Variants in MPDZ observed in about 807,000 individuals in gnomAD.
The protein encoded by MPDZ is multiple PDZ domain protein.
In MPDZ, 234 loss-of-function variants were observed where a neutral mutation model predicts 239.1. The ratio of observed to expected loss-of-function variants is 0.98; its 90% CI spans 0.88 to 1.09. MPDZ has a LOEUF of 1.09. MPDZ is among the 50% of genes least tolerant of loss of function. The probability of loss-of-function intolerance (pLI) is 0.00; values close to 1 mark genes in which losing one functional copy is unlikely to be tolerated. For missense variants in MPDZ, 3,175 were observed against 2,510.0 expected (o/e 1.26, Z -5.66); for synonymous variants, 1,048 against 881.3 (o/e 1.19, Z -3.35).
At chr9:13,210,121 T>C (rs1446577440) in intron 10 of MPDZ, among the ~76,000 whole-genome samples, 1 of 150,358 alleles carries the variant, frequency 6.7e-6, no homozygotes, top group East Asian at 1.9e-4. Context: ...AAAATTCTTA[T>C]ATTTCAAAGA....
intron 1 of MPDZ, among the ~76,000 whole-genome samples, chr9:13,273,609 T>C (rs2139393850): frequency 6.6e-6 from 1 of 152,292 alleles, no homozygotes. Context: ...ATCTGCATCA[T>C]TCTAGATCAG....
chr9:13,185,342 G>C (rs555890630), intron 18 of MPDZ, among the ~76,000 whole-genome samples: 42 of 152,150 alleles, frequency 2.8e-4, no homozygotes, highest in African/African-American at 7.7e-4. Context: ...TATAGTCAAA[G>C]AAATAATTCA....
In MPDZ at chr9:13,106,697, T is replaced by C. The variant is rs1563802622; in HGVS notation, c.*268A>G. On this transcript the variant is annotated 3_prime_UTR_variant, in exon 47 of 47. Transcript: ENST00000319217. ...TTCTTGCCCATGTGACTACAAAACATTAGATATCTCCACAAATAAAAACGA... is the reference window on the plus strand; with the variant it reads ...TTCTTGCCCATGTGACTACAAAACACTAGATATCTCCACAAATAAAAACGA... 4 of 363,104 alleles carry C rather than the reference T, an allele frequency of 1.1e-5. No individual in the cohort carries two copies. Among genetic ancestry groups the C allele is most frequent in the East Asian group, 4.1e-5 (1 of 24,372 alleles). 22.5% of individuals were successfully genotyped at this position (363,104 alleles called of 1,614,324 possible).
chr9:13,140,139 T>A lies in MPDZ; in HGVS notation c.3851A>T (p.Gln1284Leu). 6.2e-7 allele frequency: 1 copy of A among 1,613,174 alleles called. No homozygotes were observed. The highest frequency in any genetic ancestry group is 1.3e-5 in the African/African-American group (1 of 74,956). Residue 1284 changes from glutamine (Q) to leucine (L), a missense_variant, in exon 28 of 47, where the codon CAG (glutamine) becomes CTG (leucine). Transcript: ENST00000319217. ...AGCCTTCTCTGGCTCTGACTCTGAC[T>A]GACTGGGTGCCTGTGGGAACAAAAA... ...LQINADKAPSQSESEPEKAPL... is the reference protein window; with the variant it reads ...LQINADKAPSLSESEPEKAPL...
At position 13,107,066 on chromosome 9, in the gene MPDZ, T is replaced by C. The variant is rs369284040; in HGVS notation, c.6112A>G (p.Ile2038Val). 6 of 1,602,230 alleles carry C rather than the reference T, an allele frequency of 3.7e-6. No individual in the cohort carries two copies. The African/African-American group carries it at 8.0e-5, about 21-fold the overall frequency. ...DGRLKRGDQI[I>V]AVNGQSLEGV... is the part of the protein sequence containing the mutation. ...TCTAGACTCTGCCCATTGACAGCAA[T>C]GATCTGATCGCCCCTTTTCAGACGT... Residue 2038 changes from isoleucine to valine, a missense_variant, in exon 47 of 47, where the codon ATT (isoleucine) becomes GTT (valine). Ile to Val is a conservative substitution (Grantham distance 29). Transcript: ENST00000319217.
intron 21 of MPDZ, among the ~76,000 whole-genome samples, chr9:13,174,022 AC>A (rs1363180366): frequency 6.6e-6 from 1 of 152,056 alleles, no homozygotes; most frequent in Non-Finnish European, 1.5e-5. Flanking sequence ...TCCATAACAA[AC>A]CAGTTTCAGT....
In MPDZ at chr9:13,110,044, C is replaced by T. The variant is rs752828435; in HGVS notation, c.5850G>A (p.Val1950=). ...IEMQVVAGGD[V]SVVTGHQQEP... ...CCTGCTGATGACCTGTGACCACACTCACGTCTCCTCCAGCAACCACCTGCG... is the reference window on the plus strand; with the variant it reads ...CCTGCTGATGACCTGTGACCACACTTACGTCTCCTCCAGCAACCACCTGCG... The change falls in exon 45 of 47, where the codon GTG becomes GTA. Residue 1950 remains valine (V), a synonymous_variant. Transcript: ENST00000319217. 1 of 1,613,052 alleles carries T rather than the reference C, an allele frequency of 6.2e-7. No individual in the cohort carries two copies. The highest frequency in any genetic ancestry group is 1.1e-5 in the South Asian group (1 of 90,886).
At position 13,205,897 on chromosome 9, in the gene MPDZ, C is replaced by A. The variant is rs1187041736; in HGVS notation, c.1474+19G>T. The A allele has an allele frequency of 4.6e-6, 7 of 1,527,400 alleles. No individual in the cohort carries two copies. The highest frequency in any genetic ancestry group is 4.7e-5 in the East Asian group (2 of 42,712). 94.6% of individuals were successfully genotyped at this position (1,527,400 alleles called of 1,614,324 possible). On this transcript the variant is annotated intron_variant, in intron 11 of 46. Transcript: ENST00000319217. ...ACAATATAAAGGTCTAACTAAAAAC[C>A]AGATTAACATAGGATTACCTTTGAT...
In MPDZ at chr9:13,249,008, A is replaced by AAAAAAAAAAAAAAAAAAAC. The variant is rs1279043046; in HGVS notation, c.17-1208_17-1207insGTTTTTTTTTTTTTTTTTT. ...AAAAAAAAAAAAAAAAAAAAAAAAAAATTGGAATCATCACCAGAGATACTT... is the reference window on the plus strand; with the variant it reads ...AAAAAAAAAAAAAAAAAAAAAAAAAAAAAAAAAAAAAAAAAAAACATTGGAATCATCACCAGAGATACTT... On this transcript the variant is annotated intron_variant, in intron 2 of 46. Transcript: ENST00000319217. Among the ~76,000 whole-genome samples the AAAAAAAAAAAAAAAAAAAC allele has an allele frequency of 4.0e-5, 5 of 125,256 alleles. 1 individual carries two copies. The highest frequency in any genetic ancestry group is 8.6e-5 in the Non-Finnish European group (5 of 58,354). The allele number at this position is 125,256 out of a possible 152,430, so 82.2% of individuals were successfully genotyped here.
chr9:13,270,680 G>T (rs1282275871), intron 1 of MPDZ, among the ~76,000 whole-genome samples: 2 of 151,752 alleles, frequency 1.3e-5, no homozygotes, highest in Non-Finnish European at 1.5e-5. Flanking sequence ...ACCTACTTCT[G>T]CTTTTTTCTT....
chr9:13,223,566 CT>C lies in MPDZ; in HGVS notation c.533+4del. On this transcript the variant is annotated splice_donor_region_variant and intron_variant, in intron 5 of 46. Coordinates refer to ENST00000319217, the MANE Select transcript of MPDZ (RefSeq NM_001378778.1). ...AAAACAAAGAAGACGCCGCGACCAT[CT>C]CACCTATGGGCCACACTGCCCTCTT... 1 of 1,603,808 alleles carries C rather than the reference CT, an allele frequency of 6.2e-7. No homozygotes were observed. The highest frequency in any genetic ancestry group is 2.2e-5 in the East Asian group (1 of 44,594).
intron 21 of MPDZ, among the ~76,000 whole-genome samples, chr9:13,170,492 G>T (rs1281566721): frequency 2.0e-5 from 3 of 152,106 alleles, no homozygotes; most frequent in East Asian, 1.9e-4. Flanking sequence ...GAGAAAAAAG[G>T]CTGAATCTGA....
chr9:13,111,655 T>C (rs1246396870), intron 43 of MPDZ, among the ~76,000 whole-genome samples: 4 of 152,210 alleles, frequency 2.6e-5, no homozygotes, highest in Non-Finnish European at 5.9e-5. Flanking sequence ...AGTAATACTT[T>C]TCAATTTAAC....
chr9:13,195,198 G>C (rs1024616285), intron 13 of MPDZ, among the ~76,000 whole-genome samples: 1 of 152,096 alleles, frequency 6.6e-6, no homozygotes, highest in African/African-American at 2.4e-5. Flanking sequence ...TGAGGCAGGA[G>C]AAAAGTTTGA....
chr9:13,182,749 C>T (rs1487210965), intron 19 of MPDZ, among the ~76,000 whole-genome samples: 1 of 152,052 alleles, frequency 6.6e-6, no homozygotes, highest in Non-Finnish European at 1.5e-5. Flanking sequence ...ACATTGGATA[C>T]ATTTTAAAGT....
intron 8 of MPDZ, among the ~76,000 whole-genome samples, chr9:13,218,996 T>C (rs913863974): frequency 1.3e-5 from 2 of 151,986 alleles, no homozygotes; most frequent in Non-Finnish European, 2.9e-5. Context: ...TAAAAAATTA[T>C]ATAACTGGGT....
intron 1 of MPDZ, among the ~76,000 whole-genome samples, chr9:13,265,970 G>A (rs1588211139): frequency 6.6e-6 from 1 of 152,162 alleles, no homozygotes; most frequent in East Asian, 1.9e-4. Flanking sequence ...CATTTTCTAG[G>A]ACTTTCCCAA....
Position 13,239,659 on chromosome 9 carries a change from A to T in MPDZ, c.183+7976T>A, listed in dbSNP as rs527709963. Among the ~76,000 whole-genome samples, 6 of 152,284 alleles carry T rather than the reference A, an allele frequency of 3.9e-5. No homozygotes were observed. The South Asian group carries it at 1.2e-3, about 32-fold the overall frequency. ...ATGACAGTTTTGAATATTTAAGAAT[A>T]CTCATGCATTCATTTATTAAGCAAT... On this transcript the variant is annotated intron_variant, in intron 3 of 46. Transcript: ENST00000319217.
At chr9:13,141,818 T>C (rs1427202820) in intron 27 of MPDZ, among the ~76,000 whole-genome samples, 1 of 152,188 alleles carries the variant, frequency 6.6e-6, no homozygotes. Context: ...AGGGCGTAAG[T>C]GTCAGATTAC....
Sources: gnomAD v4.1 joint callset for allele counts (sites outside exome capture counted in the v4.1 genomes callset) on GRCh38, gnomAD v4.1.1 for gene constraint, MANE v1.5 for transcripts, NCBI Gene and HGNC (gene_info 2026-07-23, HGNC 2026-07-21) for gene names.